SLC25A21: variants seen among roughly 807,000 people sequenced by gnomAD.
SLC25A21 encodes the protein mitochondrial 2-oxodicarboxylate carrier.
Under a neutral mutation model 43.8 loss-of-function variants are expected in SLC25A21, and 47 were observed. That is an observed-to-expected ratio of 1.07 (90% CI 0.85 to 1.37). SLC25A21 has a LOEUF of 1.37. Ranked by LOEUF, SLC25A21 falls within the 40% of genes most tolerant of loss-of-function variation. SLC25A21 has a pLI of 0.00. For missense variants in SLC25A21, 352 were observed against 350.2 expected (o/e 1.00, Z -0.04); for synonymous variants, 131 against 121.3 (o/e 1.08, Z -0.52).
intron 2 of SLC25A21, among the ~76,000 whole-genome samples, chr14:36,838,079 G>T (rs535942950): frequency 1.2e-4 from 19 of 152,242 alleles, no homozygotes; most frequent in African/African-American, 4.3e-4. Context: ...ATCTTGTACC[G>T]GAAACACCCA....
chr14:36,885,882 T>G (rs1890898218), intron 1 of SLC25A21, among the ~76,000 whole-genome samples: 1 of 152,216 alleles, frequency 6.6e-6, no homozygotes. Flanking sequence ...TGCATTGTAC[T>G]ACTGCCACTT....
At chr14:36,682,633 T>C (rs2139136188) in intron 9 of SLC25A21, among the ~76,000 whole-genome samples, 1 of 152,310 alleles carries the variant, frequency 6.6e-6, no homozygotes, top group East Asian at 1.9e-4. Context: ...TTAGGTCTAC[T>C]AGCAGGTTTT....
intron 1 of SLC25A21, among the ~76,000 whole-genome samples, chr14:37,091,842 G>A (rs754992886): frequency 5.3e-5 from 8 of 152,056 alleles, no homozygotes; most frequent in Non-Finnish European, 1.2e-4. Flanking sequence ...ACTAAGCAAG[G>A]GTCAGCCAGG....
chr14:37,042,704 T>G (rs1961500742), intron 1 of SLC25A21, among the ~76,000 whole-genome samples: 1 of 152,248 alleles, frequency 6.6e-6, no homozygotes, highest in South Asian at 2.1e-4. Flanking sequence ...TAAAGTTTGG[T>G]TCACACAGTC....
chr14:36,765,192 C>T (rs1886368145), intron 3 of SLC25A21, among the ~76,000 whole-genome samples: 1 of 152,188 alleles, frequency 6.6e-6, no homozygotes, highest in Non-Finnish European at 1.5e-5. Flanking sequence ...TCTGAGGCTG[C>T]CATGCTCTAA....
chr14:36,757,680 T>C (rs1885988669), intron 3 of SLC25A21, among the ~76,000 whole-genome samples: 2 of 152,278 alleles, frequency 1.3e-5, no homozygotes, highest in Admixed American at 6.5e-5. Flanking sequence ...TCAATACTTA[T>C]GGACATGCAG....
chr14:36,686,455 C>T (rs2139143243), intron 7 of SLC25A21, among the ~76,000 whole-genome samples: 1 of 152,236 alleles, frequency 6.6e-6, no homozygotes, highest in South Asian at 2.1e-4. Context: ...AATTCTAGAC[C>T]AGCTCTGGTT....
intron 6 of SLC25A21, among the ~76,000 whole-genome samples, chr14:36,722,208 A>G (rs2139206622): frequency 6.6e-6 from 1 of 152,364 alleles, no homozygotes; most frequent in East Asian, 1.9e-4. Context: ...TAATTTTTAT[A>G]TCAATTACAC....
intron 1 of SLC25A21, among the ~76,000 whole-genome samples, chr14:37,141,413 A>G (rs1963568371): frequency 6.6e-6 from 1 of 152,218 alleles, no homozygotes; most frequent in Non-Finnish European, 1.5e-5. Flanking sequence ...AACCACAGAC[A>G]TGATCTAAGT....
rs3061765 is a variant in SLC25A21, at chr14:36,919,622, CCTATCTATCTATCTATCTATCTAT to C, written c.71-44642_71-44619del. ...TGAAAAATTCAAGATTATCTATCTA[CCTATCTATCTATCTATCTATCTAT>C]CTATCTATCTATCTATCTATCTCTA... On this transcript the variant is annotated intron_variant, in intron 1 of 9. Transcript: ENST00000331299. 5.9e-3 allele frequency among the ~76,000 whole-genome samples: 363 copies of C among 61,516 alleles called. 5 individuals carry two copies. The highest frequency in any genetic ancestry group is 0.02 in the African/African-American group (345 of 17,006). 40.4% of individuals were successfully genotyped at this position (61,516 alleles called of 152,430 possible).
At chr14:37,166,578 T>C (rs534320490) in intron 1 of SLC25A21, among the ~76,000 whole-genome samples, 1 of 152,254 alleles carries the variant, frequency 6.6e-6, no homozygotes. Flanking sequence ...TGTTAACACA[T>C]GTAAAGCTTA....
intron 1 of SLC25A21, among the ~76,000 whole-genome samples, chr14:37,137,240 G>A (rs1422569658): frequency 5.3e-5 from 8 of 152,082 alleles, no homozygotes; most frequent in Admixed American, 3.9e-4. Context: ...CTCGTGATCC[G>A]CCCGCCTCGG....
At chr14:36,790,105 T>G (rs1359384407) in intron 3 of SLC25A21, among the ~76,000 whole-genome samples, 2 of 150,326 alleles carry the variant, frequency 1.3e-5, no homozygotes, top group African/African-American at 2.5e-5. Flanking sequence ...TGGGGTAGTA[T>G]ATGATGTCTG....
chr14:37,135,374 G>T, intron 1 of SLC25A21, among the ~76,000 whole-genome samples: 1 of 151,934 alleles, frequency 6.6e-6, no homozygotes, highest in Non-Finnish European at 1.5e-5. Flanking sequence ...AATCCAGCCT[G>T]GGGAACAGAG....
chr14:36,886,944 T>C (rs1049663350), intron 1 of SLC25A21, among the ~76,000 whole-genome samples: 5 of 152,152 alleles, frequency 3.3e-5, no homozygotes, highest in African/African-American at 7.2e-5. Context: ...CTTACTGCTA[T>C]ATGTGGGCTT....
intron 1 of SLC25A21, among the ~76,000 whole-genome samples, chr14:37,135,776 G>A (rs560774680): frequency 6.6e-5 from 10 of 152,236 alleles, no homozygotes; most frequent in East Asian, 1.9e-4. Context: ...AAATTACCTC[G>A]GTTTGAATCC....
At position 36,679,163 on chromosome 14, in the gene SLC25A21, A is replaced by C. The variant is rs1427934093; in HGVS notation, c.*1495T>G. On this transcript the variant is annotated 3_prime_UTR_variant, in exon 10 of 10. Coordinates refer to ENST00000331299, the MANE Select transcript of SLC25A21 (RefSeq NM_030631.4). ...AGGATAGAATGCAGTTGTGCAACAGAGACACATTCTTATTTCTTTTTTTTC... is the reference window on the plus strand; with the variant it reads ...AGGATAGAATGCAGTTGTGCAACAGCGACACATTCTTATTTCTTTTTTTTC... The C allele has an allele frequency of 1.0e-6, 1 of 985,252 alleles. No individual in the cohort carries two copies. The highest frequency in any genetic ancestry group is 1.2e-6 in the Non-Finnish European group (1 of 829,902). 61.0% of individuals were successfully genotyped at this position (985,252 alleles called of 1,614,324 possible).
At chr14:37,113,867 A>AAG (rs1555347940) in intron 1 of SLC25A21, among the ~76,000 whole-genome samples, 7 of 151,728 alleles carry the variant, frequency 4.6e-5, no homozygotes, top group South Asian at 4.2e-4. Flanking sequence ...AAAAAAAAAA[A>AAG]AAAGAAATAA....
intron 1 of SLC25A21, among the ~76,000 whole-genome samples, chr14:37,138,417 G>C (rs1426713381): frequency 6.6e-6 from 1 of 152,010 alleles, no homozygotes; most frequent in Non-Finnish European, 1.5e-5. Context: ...CTTATTAACT[G>C]TTTAAAATTT....
Sources: gnomAD v4.1 joint callset for allele counts (sites outside exome capture counted in the v4.1 genomes callset) on GRCh38, gnomAD v4.1.1 for gene constraint, MANE v1.5 for transcripts, NCBI Gene and HGNC (gene_info 2026-07-23, HGNC 2026-07-21) for gene names.